Variants in NR3C1 observed in about 807,000 individuals in gnomAD.
The protein encoded by NR3C1 is glucocorticoid receptor.
A neutral mutation model predicts 74.0 loss-of-function variants in NR3C1; 14 were observed. The ratio of observed to expected loss-of-function variants is 0.19; its 90% CI spans 0.12 to 0.30. NR3C1 has a LOEUF of 0.30. Ranked by LOEUF, NR3C1 falls within the 10% of genes least tolerant of loss-of-function variation. The pLI is 1.00. For synonymous variants in NR3C1, 308 were observed against 332.5 expected (o/e 0.93, Z 0.80); for missense variants, 695 against 909.8 (o/e 0.76, Z 3.04).
chr5:143,408,158 G>A (rs901726651), upstream of NR3C1, among the ~76,000 whole-genome samples: 2 of 152,162 alleles, frequency 1.3e-5, no homozygotes, highest in Admixed American at 6.5e-5. Context: ...TTTAGTGTGT[G>A]TATAAACTAT....
At chr5:143,430,162 A>G (rs1751742422) in intron 1 of NR3C1, among the ~76,000 whole-genome samples, 1 of 152,108 alleles carries the variant, frequency 6.6e-6, no homozygotes, top group South Asian at 2.1e-4. Context: ...AATGCTCACA[A>G]TAAAAATAAT....
intron 2 of NR3C1, among the ~76,000 whole-genome samples, chr5:143,322,416 T>G (rs1341511415): frequency 3.3e-5 from 5 of 152,208 alleles, no homozygotes; most frequent in African/African-American, 1.2e-4. Flanking sequence ...AAGTTTGATG[T>G]CTTGATGACA....
intron 2 of NR3C1, among the ~76,000 whole-genome samples, chr5:143,363,140 T>C (rs1832586443): frequency 6.6e-6 from 1 of 152,228 alleles, no homozygotes; most frequent in Admixed American, 6.5e-5. Context: ...GAAGATATTT[T>C]GCTTCTAGGC....
At chr5:143,347,475 C>T (rs554783293) in intron 2 of NR3C1, among the ~76,000 whole-genome samples, 1 of 152,160 alleles carries the variant, frequency 6.6e-6, no homozygotes, top group Non-Finnish European at 1.5e-5. Context: ...TAAAGGCCCC[C>T]TTCCTCTGTA....
intron 2 of NR3C1, among the ~76,000 whole-genome samples, chr5:143,317,932 G>T (rs1399526635): frequency 6.6e-6 from 1 of 152,106 alleles, no homozygotes; most frequent in Non-Finnish European, 1.5e-5. Flanking sequence ...GTACTATTAC[G>T]AAGAGAATCA....
intron 4 of NR3C1, among the ~76,000 whole-genome samples, chr5:143,309,473 T>C (rs61753490): frequency 6.6e-6 from 1 of 152,234 alleles, no homozygotes. Context: ...TTGGAGCGCT[T>C]TGAGGCCTAC....
intron 2 of NR3C1, chr5:143,375,859 TA>T (rs1835098601): frequency 1.3e-5 from 2 of 152,176 alleles, no homozygotes; most frequent in Non-Finnish European, 2.9e-5. Flanking sequence ...TATTTCAAAA[TA>T]ATCATGTTAC....
chr5:143,343,373 C>T (rs1003208795), intron 2 of NR3C1, among the ~76,000 whole-genome samples: 3 of 152,090 alleles, frequency 2.0e-5, no homozygotes, highest in African/African-American at 4.8e-5. Context: ...ATAGTCTCCT[C>T]GGGACTTTCT....
intron 2 of NR3C1, among the ~76,000 whole-genome samples, chr5:143,329,103 T>A (rs1407837305): frequency 6.6e-6 from 1 of 152,184 alleles, no homozygotes; most frequent in Non-Finnish European, 1.5e-5. Flanking sequence ...CTGGGTAATT[T>A]ATAAGGGAGG....
At chr5:143,404,344 G>A (rs1840906014), upstream of NR3C1, 1 of 985,366 alleles carries the variant, frequency 1.0e-6, no homozygotes, top group Admixed American at 6.1e-5. Flanking sequence ...TTCAGGGAAG[G>A]GACGGGATAG....
At chr5:143,320,157 T>C (rs2151645104) in intron 2 of NR3C1, among the ~76,000 whole-genome samples, 1 of 152,374 alleles carries the variant, frequency 6.6e-6, no homozygotes. Context: ...GCTAAAGAAT[T>C]ACTGATTTGT....
intron 2 of NR3C1, among the ~76,000 whole-genome samples, chr5:143,352,911 T>G (rs982693493): frequency 6.6e-6 from 1 of 152,184 alleles, no homozygotes; most frequent in East Asian, 1.9e-4. Context: ...TTCACTTTTC[T>G]TTTCATAAAA....
intron 2 of NR3C1, among the ~76,000 whole-genome samples, chr5:143,331,398 G>C (rs1825905204): frequency 1.3e-5 from 2 of 152,128 alleles, no homozygotes; most frequent in Non-Finnish European, 2.9e-5. Flanking sequence ...ACTTAAAACA[G>C]AACTACCATT....
intron 2 of NR3C1, among the ~76,000 whole-genome samples, chr5:143,346,840 C>T (rs1829381676): frequency 6.6e-6 from 1 of 152,134 alleles, no homozygotes; most frequent in African/African-American, 2.4e-5. Context: ...GAGCAGAAAA[C>T]AAGAGAATCA....
intron 2 of NR3C1, among the ~76,000 whole-genome samples, chr5:143,372,429 G>A (rs146191628): frequency 3.2e-4 from 48 of 152,314 alleles, no homozygotes; most frequent in African/African-American, 1.1e-3. Context: ...ACAGCATGGA[G>A]ATGCTGAACA....
chr5:143,342,497 T>C (rs926145323), intron 2 of NR3C1, among the ~76,000 whole-genome samples: 4 of 152,208 alleles, frequency 2.6e-5, no homozygotes, highest in African/African-American at 7.2e-5. Context: ...ATTGATGACA[T>C]ATCAATGACA....
At chr5:143,362,360 G>GT (rs1234339107) in intron 2 of NR3C1, among the ~76,000 whole-genome samples, 3,643 of 138,660 alleles carry the variant, frequency 0.026, 101 homozygotes, top group African/African-American at 0.075. Flanking sequence ...ATGAAGACTT[G>GT]TTTTTTTTTT....
At chr5:143,396,410 C>G (rs903789493) in intron 2 of NR3C1, among the ~76,000 whole-genome samples, 4 of 151,510 alleles carry the variant, frequency 2.6e-5, no homozygotes, top group African/African-American at 9.7e-5. Flanking sequence ...CACCCATTGC[C>G]AGAATCTTTA....
In NR3C1 at chr5:143,290,504, A is replaced by T. The variant is rs182256458; in HGVS notation, c.2023+4956T>A. Among the ~76,000 whole-genome samples the T allele has an allele frequency of 1.0e-3, 153 of 152,320 alleles. 1 individual carries two copies. The highest frequency in any genetic ancestry group is 3.6e-3 in the African/African-American group (149 of 41,572). On this transcript the variant is annotated intron_variant, in intron 7 of 8. Coordinates refer to ENST00000394464, the MANE Select transcript of NR3C1 (RefSeq NM_000176.3). ...TCTTTATTCAGATATAGCTTTTTTT[A>T]AATAGCATAAATTTGGATTATTTCT...
Sources: allele counts gnomAD v4.1 joint callset (sites outside exome capture counted in the v4.1 genomes callset), GRCh38; gene constraint gnomAD v4.1.1; transcripts MANE v1.5; gene names NCBI Gene and HGNC (gene_info 2026-07-23, HGNC 2026-07-21).